The following FGF12 variants were observed in gnomAD, a reference collection of about 807,000 sequenced individuals.
FGF12 encodes the protein fibroblast growth factor 12, also known as fibroblast growth factor 12B.
A neutral mutation model predicts 23.6 loss-of-function variants in FGF12; 14 were observed. That is an observed-to-expected ratio of 0.59 (90% CI 0.39 to 0.93). FGF12 has a LOEUF of 0.93. FGF12 is among the 40% of genes least tolerant of loss of function. The pLI, the probability that FGF12 is intolerant of heterozygous loss-of-function variation, is 0.00. For synonymous variants in FGF12, 62 were observed against 77.3 expected, an observed-to-expected ratio of 0.80 and a Z score of 1.04; for missense variants, 175 against 217.8, an observed-to-expected ratio of 0.80 and a Z score of 1.24.
At chr3:192,459,414 G>A (rs2108806341) in intron 2 of FGF12, among the ~76,000 whole-genome samples, 1 of 152,220 alleles carries the variant, frequency 6.6e-6, no homozygotes, top group East Asian at 1.9e-4. Context: ...GACATAAGTT[G>A]GTCAACTTAA....
At chr3:192,473,936 T>G (rs140186765) in intron 2 of FGF12, among the ~76,000 whole-genome samples, 2 of 152,190 alleles carry the variant, frequency 1.3e-5, no homozygotes, top group Non-Finnish European at 2.9e-5. Context: ...CAAAGAAACA[T>G]AGAGCAGAAC....
chr3:192,208,217 A>G (rs1717749470), intron 4 of FGF12, among the ~76,000 whole-genome samples: 1 of 152,278 alleles, frequency 6.6e-6, no homozygotes, highest in Non-Finnish European at 1.5e-5. Flanking sequence ...AATTTGATTT[A>G]TAAAAGCACT....
chr3:192,619,283 C>A (rs2108646324), intron 2 of FGF12, among the ~76,000 whole-genome samples: 1 of 152,122 alleles, frequency 6.6e-6, no homozygotes, highest in South Asian at 2.1e-4. Context: ...GATGTTTGAG[C>A]TGGGCCTCAA....
chr3:192,682,600 A>G lies in FGF12; in HGVS notation c.13+44581T>C, dbSNP rs141457211. On this transcript the variant is annotated intron_variant, in intron 2 of 5. Transcript: ENST00000445105. ...CATCCTCTGAGAATTACAGTGTTATACAACAAAGAATTTGGTCTTTGTCCT... is the reference window on the plus strand; with the variant it reads ...CATCCTCTGAGAATTACAGTGTTATGCAACAAAGAATTTGGTCTTTGTCCT... 4.4e-3 allele frequency among the ~76,000 whole-genome samples: 675 copies of G among 152,310 alleles called. 5 individuals are homozygous for G. The highest frequency in any genetic ancestry group is 0.01 in the Middle Eastern group (3 of 294).
intron 2 of FGF12, among the ~76,000 whole-genome samples, chr3:192,543,764 C>T (rs1316620731): frequency 1.3e-5 from 2 of 152,154 alleles, no homozygotes; most frequent in African/African-American, 4.8e-5. Flanking sequence ...CCCTTCAAGG[C>T]AGTGGATTCC....
intron 2 of FGF12, among the ~76,000 whole-genome samples, chr3:192,508,489 T>C (rs1336926328): frequency 6.6e-6 from 1 of 152,240 alleles, no homozygotes; most frequent in Non-Finnish European, 1.5e-5. Context: ...TGTCTCTTTA[T>C]AACTCTGGTA....
At chr3:192,251,294 T>G (rs894067840) in intron 4 of FGF12, among the ~76,000 whole-genome samples, 1 of 152,186 alleles carries the variant, frequency 6.6e-6, no homozygotes, top group African/African-American at 2.4e-5. Context: ...CCACTTTGAT[T>G]CTGATAGAGA....
intron 4 of FGF12, among the ~76,000 whole-genome samples, chr3:192,275,550 A>G (rs1307343049): frequency 6.6e-6 from 1 of 152,200 alleles, no homozygotes; most frequent in Non-Finnish European, 1.5e-5. Flanking sequence ...CTTTAGAATT[A>G]TATCTACCTG....
intron 2 of FGF12, among the ~76,000 whole-genome samples, chr3:192,691,621 C>CA (rs1228716238): frequency 1.3e-5 from 2 of 151,412 alleles, no homozygotes; most frequent in Non-Finnish European, 3.0e-5. Context: ...CATTCTACCT[C>CA]AAAAAACTAG....
In FGF12 at chr3:192,714,513, A is replaced by ATTTTTTTTTTTTT. The variant is rs770781442; in HGVS notation, c.13+12655_13+12667dup. 1.2e-4 allele frequency among the ~76,000 whole-genome samples: 12 copies of ATTTTTTTTTTTTT among 99,754 alleles called. 1 individual carries two copies. The East Asian group carries it at 1.3e-3, about 11-fold the overall frequency. 65.4% of individuals were successfully genotyped at this position (99,754 alleles called of 152,430 possible). On this transcript the variant is annotated intron_variant, in intron 2 of 5. Coordinates refer to ENST00000445105, the MANE Select transcript of FGF12 (RefSeq NM_004113.6). ...CTTATTTATAGATCTTAAGGAAATA[A>ATTTTTTTTTTTTT]TTTTTTTTTTTTTTTTTTTTTTTGA...
At chr3:192,264,249 A>C (rs934306121) in intron 4 of FGF12, among the ~76,000 whole-genome samples, 1 of 152,130 alleles carries the variant, frequency 6.6e-6, no homozygotes, top group Non-Finnish European at 1.5e-5. Context: ...AACTAAATTG[A>C]CCTAACATTT....
intron 2 of FGF12, among the ~76,000 whole-genome samples, chr3:192,634,089 A>G (rs1715493115): frequency 6.6e-6 from 1 of 152,198 alleles, no homozygotes; most frequent in African/African-American, 2.4e-5. Context: ...AAAGGATACG[A>G]AACAAAATGT....
At chr3:192,297,341 A>T (rs1485899762) in intron 4 of FGF12, among the ~76,000 whole-genome samples, 2 of 152,208 alleles carry the variant, frequency 1.3e-5, no homozygotes, top group African/African-American at 4.8e-5. Context: ...AGAGAAAAGT[A>T]TACTGTTTGG....
intron 2 of FGF12, among the ~76,000 whole-genome samples, chr3:192,459,941 C>G (rs76871649): frequency 1.5e-3 from 232 of 152,062 alleles, no homozygotes; most frequent in African/African-American, 5.3e-3. Context: ...TCATTGAGTA[C>G]CTTTCATGTA....
chr3:192,388,893 T>G lies in FGF12; in HGVS notation c.14-28355A>C, dbSNP rs1192909043. On this transcript the variant is annotated intron_variant, in intron 2 of 5. Transcript: ENST00000445105. ...AAAACTTTCACTATGTCTTATGAAA[T>G]ATAAAGTGGTGCCAAAATTTTGTCA... 2.6e-4 allele frequency among the ~76,000 whole-genome samples: 39 copies of G among 151,588 alleles called. 1 individual carries two copies. The highest frequency in any genetic ancestry group is 2.4e-3 in the Admixed American group (37 of 15,226).
chr3:192,558,500 G>T (rs1330010113), intron 2 of FGF12, among the ~76,000 whole-genome samples: 2 of 151,728 alleles, frequency 1.3e-5, no homozygotes, highest in African/African-American at 2.4e-5. Flanking sequence ...AAAATGTCGA[G>T]ACCACCCAAA....
chr3:192,660,800 T>C (rs1246616393), intron 2 of FGF12, among the ~76,000 whole-genome samples: 1 of 149,708 alleles, frequency 6.7e-6, no homozygotes, highest in Non-Finnish European at 1.5e-5. Flanking sequence ...ATGGAAATTA[T>C]TGGGGAATAA....
At chr3:192,561,463 A>C (rs559977210) in intron 2 of FGF12, among the ~76,000 whole-genome samples, 9 of 152,086 alleles carry the variant, frequency 5.9e-5, no homozygotes, top group African/African-American at 1.7e-4. Context: ...CCTGGGTTCA[A>C]GCGATTCTCC....
At chr3:192,533,203 T>A (rs1195270960) in intron 2 of FGF12, among the ~76,000 whole-genome samples, 1 of 152,194 alleles carries the variant, frequency 6.6e-6, no homozygotes, top group Non-Finnish European at 1.5e-5. Flanking sequence ...TAACTTGGTA[T>A]GTTCAAGAAC....
Sources: allele counts gnomAD v4.1 joint callset (sites outside exome capture counted in the v4.1 genomes callset), GRCh38; gene constraint gnomAD v4.1.1; transcripts MANE v1.5; gene names NCBI Gene and HGNC (gene_info 2026-07-23, HGNC 2026-07-21).